TNFRSF10D: variants seen among roughly 807,000 people sequenced by gnomAD.
TNFRSF10D encodes tumor necrosis factor receptor superfamily member 10D.
In TNFRSF10D, 28 loss-of-function variants were observed where a neutral mutation model predicts 42.1. The ratio of observed to expected loss-of-function variants is 0.66; its 90% CI spans 0.49 to 0.91. The LOEUF is 0.91. Ranked by LOEUF, TNFRSF10D falls within the 40% of genes least tolerant of loss-of-function variation. TNFRSF10D has a pLI of 0.00. For synonymous variants in TNFRSF10D, 186 were observed against 189.4 expected (o/e 0.98, Z 0.15); for missense variants, 503 against 486.1 (o/e 1.03, Z -0.33).
rs1466638782 is a variant in TNFRSF10D at position 23,163,991 on chromosome 8, T to C, written c.-56A>G. The C allele has an allele frequency of 1.3e-6, 2 of 1,501,280 alleles. No individual in the cohort carries two copies. Among genetic ancestry groups the C allele is most frequent in the Non-Finnish European group, 1.8e-6 (2 of 1,129,064 alleles). The allele number at this position is 1,501,280 out of a possible 1,614,324, so 93.0% of individuals were successfully genotyped here. A position where few individuals can be genotyped will look rare whatever the true frequency, so the allele number is the denominator to read the frequency against. On this transcript the variant is annotated 5_prime_UTR_variant, in exon 1 of 9. Transcript: ENST00000312584. Reference sequence around the variant, plus strand: ...AAAAATCAATCAGAAATCGTCCCCGTAGTTTGTGCGCGTGCAAAGGTTCTC... The same window carrying C: ...AAAAATCAATCAGAAATCGTCCCCGCAGTTTGTGCGCGTGCAAAGGTTCTC...
chr8:23,142,309 C>G (rs900497616), intron 7 of TNFRSF10D, among the ~76,000 whole-genome samples: 4 of 151,478 alleles, frequency 2.6e-5, no homozygotes, highest in African/African-American at 9.7e-5. Flanking sequence ...TACCAAAAGA[C>G]ACCACTATCC....
At chr8:23,148,588 A>G in intron 2 of TNFRSF10D, 37 bp from the exon 3 acceptor site, 1 of 1,504,732 alleles carries the variant, frequency 6.6e-7, no homozygotes, top group Non-Finnish European at 9.2e-7. Flanking sequence ...ATGAGTCACC[A>G]CAGAATTCCC....
chr8:23,152,275 C>T (rs115141902), intron 2 of TNFRSF10D, among the ~76,000 whole-genome samples: 917 of 152,170 alleles, frequency 6.0e-3, no homozygotes, highest in African/African-American at 0.019. Flanking sequence ...GCAGCACTTA[C>T]GGGAAGTGGG....
intron 1 of TNFRSF10D, among the ~76,000 whole-genome samples, chr8:23,158,047 T>G (rs142472544): frequency 6.1e-3 from 934 of 152,284 alleles, no homozygotes; most frequent in African/African-American, 0.019. Context: ...GGCCAACCTA[T>G]AAAACCCCAA....
Position 23,144,433 on chromosome 8 carries a change from G to C in TNFRSF10D, c.954+17C>G. On this transcript the variant is annotated intron_variant, in intron 7 of 8. Coordinates refer to ENST00000312584, the MANE Select transcript of TNFRSF10D (RefSeq NM_003840.5). ...CAGGCTGCACGCCAGGCAGGGCACA[G>C]TCCCTCCTCAACTCACCAGCAGACG... The C allele has an allele frequency of 6.2e-7, 1 of 1,611,220 alleles. No individual in the cohort carries two copies. The highest frequency in any genetic ancestry group is 8.5e-7 in the Non-Finnish European group (1 of 1,178,310).
rs1204368574 is a variant in TNFRSF10D, at chr8:23,145,737, A to C, written c.667T>G (p.Leu223Val). The C allele has an allele frequency of 1.9e-6, 3 of 1,608,478 alleles. No homozygotes were observed. The African/African-American group carries it at 4.2e-5, about 22-fold the overall frequency. The change falls in exon 5 of 9, where the codon TTA becomes GTA. Residue 223 changes from leucine (L) to valine (V), a missense_variant. Leu to Val is a conservative substitution (Grantham distance 32). Coordinates refer to ENST00000312584, the MANE Select transcript of TNFRSF10D (RefSeq NM_003840.5). ...GAAAAGCCAACCACAACCACAGCTA[A>C]AATGATGACTAAAACCACTATGATG... Reference protein sequence around the residue: ...LIIIVVLVIILAVVVVGFSCR... With the variant: ...LIIIVVLVIIVAVVVVGFSCR...
intron 2 of TNFRSF10D, among the ~76,000 whole-genome samples, chr8:23,149,938 C>G (rs1304553323): frequency 1.3e-5 from 2 of 152,184 alleles, no homozygotes; most frequent in Non-Finnish European, 2.9e-5. Context: ...GGCAGGGCCT[C>G]TTATAATTAT....
chr8:23,147,650 G>A (rs1233300561), intron 3 of TNFRSF10D, among the ~76,000 whole-genome samples: 3 of 152,154 alleles, frequency 2.0e-5, no homozygotes, highest in Non-Finnish European at 4.4e-5. Flanking sequence ...ATTTTGGCCA[G>A]GCGCAGTGGC....
At position 23,163,807 on chromosome 8, in the gene TNFRSF10D, G is replaced by C. The variant is rs907857125; in HGVS notation, c.129C>G (p.Phe43Leu). 3 of 1,607,842 alleles carry C rather than the reference G, an allele frequency of 1.9e-6. No individual in the cohort carries two copies. Among genetic ancestry groups the C allele is most frequent in the Non-Finnish European group, 2.5e-6 (3 of 1,178,700 alleles). ...LDPKILKFVV[F>L]IVAVLLPVRV... ...TCACCGGCAGCAGAACCGCGACGAT[G>C]AAGACGACGAACTTAAGGATCTTGG... The change falls in exon 1 of 9, where the codon TTC becomes TTG. Residue 43 changes from phenylalanine (F) to leucine (L), a missense_variant. Transcript: ENST00000312584.
At chr8:23,142,015 T>C (rs1723258037) in intron 7 of TNFRSF10D, among the ~76,000 whole-genome samples, 3 of 152,294 alleles carry the variant, frequency 2.0e-5, no homozygotes, top group African/African-American at 7.2e-5. Context: ...CTCACACCTG[T>C]AATCCCAGCA....
At chr8:23,152,717 AG>A (rs1399314090) in intron 2 of TNFRSF10D, among the ~76,000 whole-genome samples, 6 of 152,280 alleles carry the variant, frequency 3.9e-5, no homozygotes, top group African/African-American at 1.4e-4. Context: ...AGAAACGGAA[AG>A]TAACAAAAAT....
chr8:23,149,572 A>G (rs1243128160), intron 2 of TNFRSF10D, among the ~76,000 whole-genome samples: 1 of 151,768 alleles, frequency 6.6e-6, no homozygotes, highest in East Asian at 1.9e-4. Context: ...ACAATAAAAT[A>G]AAATAACAAA....
chr8:23,163,883 C>G lies in TNFRSF10D; in HGVS notation c.53G>C (p.Arg18Pro), dbSNP rs1024113796. 3 of 1,597,450 alleles carry G rather than the reference C, an allele frequency of 1.9e-6. No individual in the cohort carries two copies. The Admixed American group carries it at 5.2e-5, about 28-fold the overall frequency. ...CGACGCTGTCCTGGCTCCTGGATAG[C>G]GCCCTGCTCGAGCGCTCGAGGCGGT... The part of the protein sequence containing the change: ...VPTASSARAG[R>P]YPGARTASGT... Residue 18 changes from arginine to proline, a missense_variant, in exon 1 of 9, where the codon CGC (arginine) becomes CCC (proline). Arg to Pro is a moderately radical substitution (Grantham distance 103). Transcript: ENST00000312584.
intron 6 of TNFRSF10D, 54 bp from the exon 7 acceptor site, chr8:23,144,689 TC>T: frequency 6.3e-7 from 1 of 1,577,866 alleles, no homozygotes. Flanking sequence ...AGCTTCAGGG[TC>T]CCCAGTACAC....
At chr8:23,154,224 G>A (rs952382713) in intron 2 of TNFRSF10D, among the ~76,000 whole-genome samples, 3 of 152,210 alleles carry the variant, frequency 2.0e-5, no homozygotes, top group Non-Finnish European at 2.9e-5. Flanking sequence ...TGCACGGTGG[G>A]TTGGAGAGAT....
chr8:23,155,963 A>C (rs1800274120), intron 1 of TNFRSF10D, among the ~76,000 whole-genome samples: 1 of 152,200 alleles, frequency 6.6e-6, no homozygotes, highest in Admixed American at 6.5e-5. Flanking sequence ...GGACCTTGAC[A>C]AGCTGTTCCC....
intron 1 of TNFRSF10D, among the ~76,000 whole-genome samples, chr8:23,157,689 G>A (rs145845110): frequency 6.6e-6 from 1 of 152,272 alleles, no homozygotes; most frequent in East Asian, 1.9e-4. Context: ...TTCTGCAGCT[G>A]TATTACTAGG....
chr8:23,152,045 A>G (rs1265127582), intron 2 of TNFRSF10D, among the ~76,000 whole-genome samples: 642 of 151,680 alleles, frequency 4.2e-3, no homozygotes, highest in African/African-American at 0.013. Context: ...TACTTTTACT[A>G]GCAGTAGACC....
intron 1 of TNFRSF10D, among the ~76,000 whole-genome samples, chr8:23,156,660 G>T (rs923218300): frequency 6.6e-6 from 1 of 151,784 alleles, no homozygotes; most frequent in Non-Finnish European, 1.5e-5. Context: ...TGCCTCCCGG[G>T]CTCAAGTGGT....
Sources: allele counts gnomAD v4.1 joint callset (sites outside exome capture counted in the v4.1 genomes callset), GRCh38; gene constraint gnomAD v4.1.1; transcripts MANE v1.5; gene names NCBI Gene and HGNC (gene_info 2026-07-23, HGNC 2026-07-21).